Variants in BRD4 observed in about 807,000 individuals in gnomAD.
BRD4 encodes the protein bromodomain containing 4.
BRD4 carries 16 observed loss-of-function variants against 142.1 expected under a neutral mutation model. That is an observed-to-expected ratio of 0.11 (90% CI 0.08 to 0.17). The LOEUF is 0.17. Among genes scored for constraint, BRD4 ranks in the 10% least tolerant of loss-of-function variants. BRD4 has a pLI of 1.00. For synonymous variants in BRD4, 833 were observed against 707.5 expected, an observed-to-expected ratio of 1.18 and a Z score of -2.82; for missense variants, 1,424 against 1,810.9, an observed-to-expected ratio of 0.79 and a Z score of 3.88.
chr19:15,274,332 C>T (rs73508416), intron 1 of BRD4, among the ~76,000 whole-genome samples: 2,143 of 152,242 alleles, frequency 0.014, 42 homozygotes, highest in African/African-American at 0.049. Flanking sequence ...GCAGCAGGAC[C>T]AGCAAGTCCA....
chr19:15,271,058 T>C (rs1194898081), intron 2 of BRD4, among the ~76,000 whole-genome samples: 1 of 152,084 alleles, frequency 6.6e-6, no homozygotes, highest in Non-Finnish European at 1.5e-5. Flanking sequence ...GACCTTGAAC[T>C]CCCAAACCCC....
chr19:15,288,660 AGGCT>A (rs1265992062), intron 1 of BRD4, among the ~76,000 whole-genome samples: 1 of 152,222 alleles, frequency 6.6e-6, no homozygotes, highest in Non-Finnish European at 1.5e-5. Context: ...GGTGCTACAC[AGGCT>A]GGTGCACTGC....
chr19:15,247,479 G>A (rs1170470920), intron 11 of BRD4: 1 of 233,056 alleles, frequency 4.3e-6, no homozygotes, highest in Non-Finnish European at 8.5e-6. Context: ...CCACGGGCAA[G>A]AAGGACAGGG....
Position 15,263,530 on chromosome 19 carries a change from C to T in BRD4, c.1231G>A (p.Glu411Lys). The T allele has an allele frequency of 6.2e-7, 1 of 1,614,218 alleles. No homozygotes were observed. Among genetic ancestry groups the T allele is most frequent in the Non-Finnish European group, 8.5e-7 (1 of 1,180,032 alleles). The change falls in exon 7 of 20, where the codon GAG becomes AAG. Residue 411 changes from glutamate to lysine, a missense_variant. This residue lies in a region of BRD4 where 26 missense variants were observed against 20.2 expected (regional missense o/e 1.29). Coordinates refer to ENST00000679869, the MANE Select transcript of BRD4 (RefSeq NM_001379291.1). ...STIKSKLEAR[E>K]YRDAQEFGAD... is the part of the protein sequence containing the mutation. ...CCAAACTCCTGAGCATCACGGTACT[C>T]ACGGGCCTCCAGTTTAGACTGGAAA...
At chr19:15,251,019 T>G (rs374333054) in intron 11 of BRD4, among the ~76,000 whole-genome samples, 1 of 152,138 alleles carries the variant, frequency 6.6e-6, no homozygotes, top group South Asian at 2.1e-4. Context: ...CACAGCTCAA[T>G]GGAAGACCAC....
At chr19:15,289,422 A>G (rs1049784812) in intron 1 of BRD4, among the ~76,000 whole-genome samples, 2 of 152,080 alleles carry the variant, frequency 1.3e-5, no homozygotes, top group Non-Finnish European at 2.9e-5. Context: ...ATGGTGGCAC[A>G]TGTCTGTAAT....
At position 15,235,986 on chromosome 19, in the gene BRD4, A is replaced by G. The variant is rs1184182873; in HGVS notation, c.*2391T>C. On this transcript the variant is annotated 3_prime_UTR_variant, in exon 20 of 20. Transcript: ENST00000679869. ...GGTGGGATGAGATGGAAGAAACCCC[A>G]AAGAACCTAAATACGTCACACTTGA... The G allele has an allele frequency of 2.0e-5, 3 of 152,228 alleles. No individual in the cohort carries two copies. Among genetic ancestry groups the G allele is most frequent in the African/African-American group, 7.2e-5 (3 of 41,460 alleles). 9.4% of individuals were successfully genotyped at this position (152,228 alleles called of 1,614,324 possible).
intron 1 of BRD4, among the ~76,000 whole-genome samples, chr19:15,280,942 C>T (rs1292913298): frequency 6.6e-6 from 1 of 152,246 alleles, no homozygotes; most frequent in Non-Finnish European, 1.5e-5. Flanking sequence ...TGCTGAAATG[C>T]TGATTACACA....
Position 15,286,640 on chromosome 19 carries a change from G to A in BRD4, c.-34-13507C>T, listed in dbSNP as rs539495025. 6.1e-4 allele frequency among the ~76,000 whole-genome samples: 93 copies of A among 152,272 alleles called. 1 individual carries two copies. In the South Asian group the frequency reaches 0.01, roughly 17 times the overall value. ...TAAGTGTGCATGCCCCACAGTCACA[G>A]CACAATTCAGGTGCTAAATTTTCAC... On this transcript the variant is annotated intron_variant, in intron 1 of 19. Coordinates refer to ENST00000679869, the MANE Select transcript of BRD4 (RefSeq NM_001379291.1).
intron 1 of BRD4, among the ~76,000 whole-genome samples, chr19:15,331,627 T>C (rs946070894): frequency 6.6e-6 from 1 of 152,052 alleles, no homozygotes; most frequent in Non-Finnish European, 1.5e-5. Flanking sequence ...GCAGGGGACC[T>C]GCCCCTTTCT....
chr19:15,328,008 G>A (rs569802170), intron 1 of BRD4, among the ~76,000 whole-genome samples: 122 of 149,282 alleles, frequency 8.2e-4, no homozygotes, highest in African/African-American at 2.8e-3. Context: ...ATTGTATCAT[G>A]TATAACAACG....
At position 15,239,296 on chromosome 19, in the gene BRD4, G is replaced by C. The variant is rs1339496343; in HGVS notation, c.3577-32C>G. On this transcript the variant is annotated intron_variant, in intron 17 of 19. Transcript: ENST00000679869. The surrounding 1 kb of genome is among the most constrained non-coding windows in gnomAD (Gnocchi z 7.4). ...AACAGAGAGGTTGGGGTGGGTGAGGGGTCTGCTGTGCCTAAAGGGCATAGC... is the reference window on the plus strand; with the variant it reads ...AACAGAGAGGTTGGGGTGGGTGAGGCGTCTGCTGTGCCTAAAGGGCATAGC... 1 of 1,613,572 alleles carries C rather than the reference G, an allele frequency of 6.2e-7. No individual in the cohort carries two copies. The highest frequency in any genetic ancestry group is 1.7e-5 in the Admixed American group (1 of 60,014).
chr19:15,292,441 A>C (rs2047788852), intron 1 of BRD4, among the ~76,000 whole-genome samples: 1 of 152,180 alleles, frequency 6.6e-6, no homozygotes, highest in African/African-American at 2.4e-5. Context: ...TACCTGCCTA[A>C]TAGGGCATCG....
At position 15,243,120 on chromosome 19, in the gene BRD4, C is replaced by T; in HGVS notation, c.2949G>A (p.Gln983=). ...QPPPPPPPQP[Q]PPPQQQHQPP... is the part of the protein sequence containing the mutation. ...GCTGATGCTGCTGCTGGGGTGGAGGCTGGGGCTGGGGTGGTGGGGGTGGTG... is the reference window on the plus strand; with the variant it reads ...GCTGATGCTGCTGCTGGGGTGGAGGTTGGGGCTGGGGTGGTGGGGGTGGTG... The change falls in exon 14 of 20, where the codon CAG becomes CAA. Residue 983 remains glutamine, a synonymous_variant. Coordinates refer to ENST00000679869, the MANE Select transcript of BRD4 (RefSeq NM_001379291.1). The T allele has an allele frequency of 6.6e-6, 3 of 452,386 alleles. No homozygotes were observed. Among genetic ancestry groups the T allele is most frequent in the African/African-American group, 5.2e-5 (2 of 38,802 alleles). 28.0% of individuals were successfully genotyped at this position (452,386 alleles called of 1,614,324 possible). A position where few individuals can be genotyped will look rare whatever the true frequency, so the allele number is the denominator to read the frequency against.
At chr19:15,288,268 G>A (rs1364354163) in intron 1 of BRD4, among the ~76,000 whole-genome samples, 1 of 152,176 alleles carries the variant, frequency 6.6e-6, no homozygotes, top group African/African-American at 2.4e-5. Context: ...GTACACAGAG[G>A]TAATATCACA....
intron 11 of BRD4, chr19:15,253,781 A>G: frequency 6.3e-7 from 1 of 1,596,824 alleles, no homozygotes; most frequent in Non-Finnish European, 8.5e-7. Context: ...CTGGTGCAGA[A>G]AGCTGGGTGT....
At chr19:15,310,349 T>A (rs983532061) in intron 1 of BRD4, among the ~76,000 whole-genome samples, 1 of 86,232 alleles carries the variant, frequency 1.2e-5, no homozygotes, top group African/African-American at 4.2e-5. Context: ...GTCCGGCTGA[T>A]TTTTGGATTC....
intron 1 of BRD4, among the ~76,000 whole-genome samples, chr19:15,278,999 G>A (rs371828584): frequency 4.6e-5 from 7 of 152,078 alleles, no homozygotes; most frequent in Admixed American, 1.3e-4. Flanking sequence ...GCGCCTGCAC[G>A]CCTGGCTAAT....
intron 1 of BRD4, among the ~76,000 whole-genome samples, chr19:15,287,587 A>T (rs986728214): frequency 2.6e-5 from 4 of 151,788 alleles, no homozygotes; most frequent in Non-Finnish European, 4.4e-5. Flanking sequence ...TGTAACCCAT[A>T]TATCCACTAA....
Sources: gnomAD v4.1 joint callset for allele counts (sites outside exome capture counted in the v4.1 genomes callset) on GRCh38, gnomAD v4.1.1 for gene constraint, gnomAD v4.1.1 regional missense constraint, Gnocchi (gnomAD v3.1) non-coding constraint, MANE v1.5 for transcripts, NCBI Gene and HGNC (gene_info 2026-07-23, HGNC 2026-07-21) for gene names.